WDR27: variants seen among roughly 807,000 people sequenced by gnomAD.
The protein encoded by WDR27 is WD repeat-containing protein 27.
Under a neutral mutation model 114.4 loss-of-function variants are expected in WDR27, and 100 were observed. That is an observed-to-expected ratio of 0.87 (90% confidence interval 0.74 to 1.03). The LOEUF (loss-of-function observed/expected upper bound fraction) is 1.03, where lower values mean the gene tolerates loss of function less well. WDR27 is among the 50% of genes least tolerant of loss of function. The pLI is 0.00. For missense variants in WDR27, 1,129 were observed against 1,092.9 expected, an observed-to-expected ratio of 1.03 and a Z score of -0.47; for synonymous variants, 449 against 423.1, an observed-to-expected ratio of 1.06 and a Z score of -0.75.
At chr6:169,473,711 G>T (rs996086548) in intron 25 of WDR27, among the ~76,000 whole-genome samples, 1 of 151,978 alleles carries the variant, frequency 6.6e-6, no homozygotes, top group African/African-American at 2.4e-5. Flanking sequence ...AGCCATAGAT[G>T]CAAGAATCAC....
intron 25 of WDR27, among the ~76,000 whole-genome samples, chr6:169,518,170 G>C (rs557290466): frequency 9.8e-5 from 15 of 152,328 alleles, no homozygotes; most frequent in African/African-American, 2.6e-4. Flanking sequence ...TCTAGGCACA[G>C]GGTGCAAGCT....
intron 13 of WDR27, among the ~76,000 whole-genome samples, chr6:169,652,619 G>GT (rs1193682879): frequency 3.3e-5 from 5 of 152,206 alleles, no homozygotes; most frequent in Non-Finnish European, 5.9e-5. Context: ...TACCACAAGG[G>GT]TAAGTGTTGT....
At chr6:169,570,856 G>A (rs115171748) in intron 25 of WDR27, among the ~76,000 whole-genome samples, 2,311 of 152,248 alleles carry the variant, frequency 0.015, 55 homozygotes, top group African/African-American at 0.052. Context: ...GCTCTATTTA[G>A]GAAATCTCTC....
chr6:169,500,565 G>A (rs1791050167), intron 25 of WDR27, among the ~76,000 whole-genome samples: 1 of 152,194 alleles, frequency 6.6e-6, no homozygotes, highest in African/African-American at 2.4e-5. Flanking sequence ...GAGAGGGCCT[G>A]CGGAGCAGAA....
chr6:169,428,756 G>T, the WDR27 span, among the ~76,000 whole-genome samples: 1 of 152,216 alleles, frequency 6.6e-6, no homozygotes, highest in Non-Finnish European at 1.5e-5. Flanking sequence ...GGTGGCTGGC[G>T]TCAGGGTGAG....
At chr6:169,510,459 T>A (rs966715425) in intron 25 of WDR27, among the ~76,000 whole-genome samples, 7 of 152,058 alleles carry the variant, frequency 4.6e-5, no homozygotes, top group Admixed American at 3.9e-4. Flanking sequence ...CCATAAAAAA[T>A]GATGAGTTCA....
the WDR27 span, among the ~76,000 whole-genome samples, chr6:169,446,052 G>C: frequency 1.3e-5 from 2 of 152,268 alleles, no homozygotes; most frequent in Non-Finnish European, 2.9e-5. Context: ...CAGGGAGTCT[G>C]AAGGCCAAAG....
At chr6:169,519,540 T>G (rs1276566511) in intron 25 of WDR27, among the ~76,000 whole-genome samples, 1 of 151,986 alleles carries the variant, frequency 6.6e-6, no homozygotes, top group South Asian at 2.1e-4. Flanking sequence ...AGGTGCCATA[T>G]ACTTAAACAA....
rs190874591 is a variant in WDR27, at chr6:169,540,397, C to A, written c.2645+32022G>T. On this transcript the variant is annotated intron_variant, in intron 25 of 25. Transcript: ENST00000448612. ...ACTTCTGTCATATCTGGAAGATTTT[C>A]TATCTTCTCAGTATTGCTCTTATTG... Among the ~76,000 whole-genome samples the A allele has an allele frequency of 3.1e-3, 467 of 151,482 alleles. 4 individuals are homozygous for A. The highest frequency in any genetic ancestry group is 0.011 in the African/African-American group (458 of 41,346).
At chr6:169,634,761 C>T (rs1817264146) in intron 19 of WDR27, among the ~76,000 whole-genome samples, 1 of 152,058 alleles carries the variant, frequency 6.6e-6, no homozygotes, top group Admixed American at 6.6e-5. Context: ...CAAAAGATCC[C>T]CCACGCCGTC....
At chr6:169,579,263 T>G (rs528091448) in intron 24 of WDR27, among the ~76,000 whole-genome samples, 24 of 152,232 alleles carry the variant, frequency 1.6e-4, no homozygotes, top group Non-Finnish European at 2.9e-4. Flanking sequence ...AATGTGGAGG[T>G]AGAAGAGAGA....
At chr6:169,551,605 T>C (rs967707305) in intron 25 of WDR27, among the ~76,000 whole-genome samples, 2 of 151,558 alleles carry the variant, frequency 1.3e-5, no homozygotes, top group South Asian at 4.2e-4. Flanking sequence ...GGCATGGTGG[T>C]GGGTGCCTGT....
chr6:169,431,981 C>A, the WDR27 span, among the ~76,000 whole-genome samples: 1 of 152,148 alleles, frequency 6.6e-6, no homozygotes, highest in East Asian at 1.9e-4. Context: ...CTCTTCAGGG[C>A]ATTTTCCTCC....
intron 25 of WDR27, among the ~76,000 whole-genome samples, chr6:169,568,897 G>A (rs9371145): frequency 0.11 from 17,315 of 152,188 alleles, 2,061 homozygotes; most frequent in East Asian, 0.58. Context: ...TTCTCTGTGG[G>A]ATGTGGTACC....
intron 25 of WDR27, among the ~76,000 whole-genome samples, chr6:169,555,988 G>A (rs2128108102): frequency 6.6e-6 from 1 of 152,338 alleles, no homozygotes; most frequent in South Asian, 2.1e-4. Context: ...TGGAGGTAGA[G>A]GAGGGACCCA....
chr6:169,505,453 C>T (rs540865863), intron 25 of WDR27, among the ~76,000 whole-genome samples: 48 of 103,798 alleles, frequency 4.6e-4, no homozygotes, highest in Admixed American at 2.7e-3. Flanking sequence ...TCATAAGGTA[C>T]ATTTGTTATT....
intron 20 of WDR27, 46 bp from the exon 21 acceptor site, chr6:169,633,114 G>C: frequency 6.5e-7 from 1 of 1,547,488 alleles, no homozygotes; most frequent in Admixed American, 1.8e-5. Flanking sequence ...TCTTACCCAT[G>C]GGGAAGGGAC....
intron 8 of WDR27, among the ~76,000 whole-genome samples, chr6:169,663,377 A>G (rs1326377766): frequency 6.6e-6 from 1 of 152,196 alleles, no homozygotes; most frequent in South Asian, 2.1e-4. Context: ...AACCTAAAAG[A>G]AAGAATGAGT....
intron 25 of WDR27, among the ~76,000 whole-genome samples, chr6:169,524,913 A>G (rs942782281): frequency 2.6e-5 from 4 of 152,192 alleles, no homozygotes; most frequent in Admixed American, 1.3e-4. Context: ...ACAGGCAACC[A>G]AAGCAAAAAT....
Sources: allele counts gnomAD v4.1 joint callset (sites outside exome capture counted in the v4.1 genomes callset), GRCh38; gene constraint gnomAD v4.1.1; transcripts MANE v1.5; gene names NCBI Gene and HGNC (gene_info 2026-07-23, HGNC 2026-07-21).